Variants in DPYD observed in about 807,000 individuals in gnomAD.
DPYD encodes dihydropyrimidine dehydrogenase [NADP(+)].
A neutral mutation model predicts 116.2 loss-of-function variants in DPYD; 109 were observed. That is an observed-to-expected ratio of 0.94 (90% CI 0.80 to 1.10). The LOEUF (loss-of-function observed/expected upper bound fraction) is 1.10, where lower values mean the gene tolerates loss of function less well. Among genes scored for constraint, DPYD ranks in the 50% least tolerant of loss-of-function variants. The probability of loss-of-function intolerance (pLI) is 0.00; values close to 1 mark genes in which losing one functional copy is unlikely to be tolerated. For synonymous variants in DPYD, 440 were observed against 432.0 expected, an observed-to-expected ratio of 1.02 and a Z score of -0.23; for missense variants, 1,302 against 1,254.5, an observed-to-expected ratio of 1.04 and a Z score of -0.57.
intron 19 of DPYD, among the ~76,000 whole-genome samples, chr1:97,194,445 T>C (rs1658605292): frequency 6.6e-6 from 1 of 152,114 alleles, no homozygotes; most frequent in Non-Finnish European, 1.5e-5. Flanking sequence ...AATGTTGAAC[T>C]GTGAGTCAAT....
chr1:97,352,803 A>G (rs1670220185), intron 16 of DPYD, among the ~76,000 whole-genome samples: 1 of 152,212 alleles, frequency 6.6e-6, no homozygotes, highest in Admixed American at 6.5e-5. Context: ...CCTTTCGTGA[A>G]GGGAAAATGA....
chr1:97,269,289 C>T (rs77119729), intron 18 of DPYD, among the ~76,000 whole-genome samples: 1 of 152,114 alleles, frequency 6.6e-6, no homozygotes, highest in Non-Finnish European at 1.5e-5. Context: ...CTAAGTAATC[C>T]CTAAGAAGAT....
At chr1:97,878,487 A>G (rs1311828688) in intron 2 of DPYD, among the ~76,000 whole-genome samples, 1 of 152,010 alleles carries the variant, frequency 6.6e-6, no homozygotes, top group South Asian at 2.1e-4. Context: ...CAGGCACAAG[A>G]CCTCAAATAA....
At chr1:97,627,732 C>A (rs182588431) in intron 8 of DPYD, among the ~76,000 whole-genome samples, 10 of 152,080 alleles carry the variant, frequency 6.6e-5, no homozygotes, top group Admixed American at 2.6e-4. Flanking sequence ...AGTATTCTAT[C>A]TTGAAACATT....
intron 8 of DPYD, among the ~76,000 whole-genome samples, chr1:97,654,815 G>T (rs570925782): frequency 9.9e-5 from 15 of 152,160 alleles, no homozygotes. Flanking sequence ...AAAGAAAAAT[G>T]GAATCGCAGT....
At chr1:97,870,378 T>C (rs1294037368) in intron 2 of DPYD, among the ~76,000 whole-genome samples, 1 of 151,862 alleles carries the variant, frequency 6.6e-6, no homozygotes, top group East Asian at 1.9e-4. Flanking sequence ...GCAGTTAGGA[T>C]GTGTGGATCT....
rs147601618 is a variant in DPYD, at chr1:97,450,168, A to T, written c.1796T>A (p.Met599Lys). Residue 599 changes from methionine (M) to lysine (K), a missense_variant, in exon 14 of 23, where the codon ATG (methionine) becomes AAG (lysine). By Grantham distance (95) the Met-to-Lys change is moderately conservative. Coordinates refer to ENST00000370192, the MANE Select transcript of DPYD (RefSeq NM_000110.4). ...RIIRGTTSGP[M>K]YGPGQSSFLN... ...AAAGGAGCTTTGTCCAGGGCCATAC[A>T]TGGGGCCAGAGGTGGTTCCCCGGAT... is the stretch of plus-strand genomic sequence containing the variant. The T allele has an allele frequency of 3.1e-6, 5 of 1,613,814 alleles. No individual in the cohort carries two copies. The highest frequency in any genetic ancestry group is 1.3e-5 in the African/African-American group (1 of 74,926).
intron 4 of DPYD, among the ~76,000 whole-genome samples, chr1:97,738,735 T>G (rs1223862962): frequency 6.6e-6 from 1 of 151,956 alleles, no homozygotes; most frequent in Non-Finnish European, 1.5e-5. Flanking sequence ...TCTTCTCAAT[T>G]AATCATCTTC....
intron 7 of DPYD, among the ~76,000 whole-genome samples, chr1:97,684,630 C>G (rs923090843): frequency 4.0e-5 from 6 of 150,928 alleles, no homozygotes; most frequent in African/African-American, 1.5e-4. Flanking sequence ...AGAGAAGAAT[C>G]AAATAGAAAC....
intron 21 of DPYD, among the ~76,000 whole-genome samples, chr1:97,097,717 C>T (rs1025466810): frequency 6.6e-6 from 1 of 152,080 alleles, no homozygotes; most frequent in African/African-American, 2.4e-5. Flanking sequence ...AACCTCCATA[C>T]ATGACAAAAT....
intron 8 of DPYD, among the ~76,000 whole-genome samples, chr1:97,671,394 G>A (rs1181192477): frequency 1.3e-5 from 2 of 152,028 alleles, no homozygotes; most frequent in African/African-American, 4.8e-5. Context: ...CTGATATTCA[G>A]CACAGTAATG....
chr1:97,095,260 T>C (rs1394165100), intron 21 of DPYD, among the ~76,000 whole-genome samples: 1 of 152,106 alleles, frequency 6.6e-6, no homozygotes, highest in Non-Finnish European at 1.5e-5. Flanking sequence ...TTGAAAAGTT[T>C]TGGAAAACTT....
chr1:97,919,173 C>T (rs908122504), intron 1 of DPYD, among the ~76,000 whole-genome samples: 6 of 152,122 alleles, frequency 3.9e-5, no homozygotes, highest in Admixed American at 2.6e-4. Context: ...AAGTAAGGTG[C>T]TGTGAGTGAT....
intron 11 of DPYD, among the ~76,000 whole-genome samples, chr1:97,560,475 C>A (rs936534621): frequency 3.3e-5 from 5 of 150,254 alleles, no homozygotes; most frequent in African/African-American, 1.2e-4. Context: ...AGACAGTGTA[C>A]ACAAGCTATT....
intron 8 of DPYD, among the ~76,000 whole-genome samples, chr1:97,619,376 G>A (rs180878612): frequency 6.6e-6 from 1 of 152,210 alleles, no homozygotes; most frequent in East Asian, 1.9e-4. Flanking sequence ...AAAATACCAT[G>A]TTCTGTTTGA....
chr1:97,571,647 A>G (rs1014853234), intron 11 of DPYD, among the ~76,000 whole-genome samples: 2 of 151,976 alleles, frequency 1.3e-5, no homozygotes, highest in African/African-American at 4.8e-5. Flanking sequence ...TCCAGAAATG[A>G]CATGACATAG....
chr1:97,351,873 T>A (rs945729940), intron 16 of DPYD, among the ~76,000 whole-genome samples: 1 of 152,122 alleles, frequency 6.6e-6, no homozygotes, highest in African/African-American at 2.4e-5. Flanking sequence ...AAAAGAAGAA[T>A]TGAATTGCAG....
At chr1:97,452,964 T>C (rs943950008) in intron 13 of DPYD, among the ~76,000 whole-genome samples, 2 of 152,142 alleles carry the variant, frequency 1.3e-5, no homozygotes, top group Non-Finnish European at 2.9e-5. Flanking sequence ...TTTATTACTA[T>C]GCTTAGATCT....
intron 16 of DPYD, among the ~76,000 whole-genome samples, chr1:97,320,361 A>C (rs2101099909): frequency 1.2e-5 from 1 of 85,974 alleles, no homozygotes; most frequent in Admixed American, 1.3e-4. Flanking sequence ...AATCTCCTTA[A>C]GCTGATAAGC....
Sources: gnomAD v4.1 joint callset for allele counts (sites outside exome capture counted in the v4.1 genomes callset) on GRCh38, gnomAD v4.1.1 for gene constraint, MANE v1.5 for transcripts, NCBI Gene and HGNC (gene_info 2026-07-23, HGNC 2026-07-21) for gene names.